HNF4G: variants seen among roughly 807,000 people sequenced by gnomAD.
HNF4G encodes the protein hepatocyte nuclear factor 4 gamma.
Under a neutral mutation model 50.9 loss-of-function variants are expected in HNF4G, and 21 were observed. The ratio of observed to expected loss-of-function variants is 0.41; its 90% CI spans 0.29 to 0.59. HNF4G has a LOEUF of 0.59. Ranked by LOEUF, HNF4G falls within the 20% of genes least tolerant of loss-of-function variation. The probability of loss-of-function intolerance (pLI) is 0.26; values close to 1 mark genes in which losing one functional copy is unlikely to be tolerated. For synonymous variants in HNF4G, 198 were observed against 185.6 expected, an observed-to-expected ratio of 1.07 and a Z score of -0.54; for missense variants, 527 against 559.4, an observed-to-expected ratio of 0.94 and a Z score of 0.58.
rs58658516 is a variant in HNF4G at position 75,453,434 on chromosome 8, T to C, written c.-143-36655T>C. The stretch of plus-strand genomic sequence containing the variant: ...GTTTGTAAAATGGAACGATCAGCAC[T>C]CTGTTAAATGGACCAATCAGCAGGA... On this transcript the variant is annotated intron_variant, in intron 1 of 10. Coordinates refer to the HNF4G transcript ENST00000354370. Among the ~76,000 whole-genome samples, 738 of 152,238 alleles carry C rather than the reference T, an allele frequency of 4.8e-3. 4 individuals carry two copies. The highest frequency in any genetic ancestry group is 0.017 in the African/African-American group (699 of 41,526).
intron 2 of HNF4G, among the ~76,000 whole-genome samples, chr8:75,494,586 C>A (rs969782710): frequency 6.6e-6 from 1 of 151,904 alleles, no homozygotes; most frequent in African/African-American, 2.4e-5. Flanking sequence ...GAATCATGTG[C>A]ATTTAGAAAC....
intron 1 of HNF4G, among the ~76,000 whole-genome samples, chr8:75,484,526 T>G (rs1812452826): frequency 1.3e-5 from 2 of 152,238 alleles, no homozygotes; most frequent in African/African-American, 4.8e-5. Context: ...TAAGTGTTTC[T>G]TTCTCAGGAA....
At chr8:75,459,156 G>A (rs779502278) in intron 1 of HNF4G, among the ~76,000 whole-genome samples, 27 of 152,052 alleles carry the variant, frequency 1.8e-4, no homozygotes, top group Non-Finnish European at 2.8e-4. Context: ...TTCCTATTCC[G>A]TAGTAGGAAG....
intron 1 of HNF4G, among the ~76,000 whole-genome samples, chr8:75,541,684 G>A (rs1054014621): frequency 1.3e-5 from 2 of 151,894 alleles, no homozygotes; most frequent in South Asian, 4.1e-4. Flanking sequence ...TTATAATGAA[G>A]TTTTATTACA....
At chr8:75,531,014 G>C (rs1304731938) in intron 2 of HNF4G, among the ~76,000 whole-genome samples, 1 of 152,008 alleles carries the variant, frequency 6.6e-6, no homozygotes, top group South Asian at 2.1e-4. Flanking sequence ...GGCTGGTCTC[G>C]AACTCCTGAC....
intron 2 of HNF4G, among the ~76,000 whole-genome samples, chr8:75,522,469 AT>A (rs1165358585): frequency 7.7e-4 from 117 of 152,290 alleles, no homozygotes; most frequent in Non-Finnish European, 1.2e-3. Flanking sequence ...TATGTTAAAT[AT>A]TTTGCCCAAG....
At chr8:75,467,229 T>C (rs1370233967) in intron 1 of HNF4G, among the ~76,000 whole-genome samples, 1 of 152,186 alleles carries the variant, frequency 6.6e-6, no homozygotes, top group Non-Finnish European at 1.5e-5. Flanking sequence ...ATTCAAGAAA[T>C]GTGTGAGTGC....
chr8:75,478,175 G>C (rs1360370387), intron 1 of HNF4G, among the ~76,000 whole-genome samples: 1 of 152,038 alleles, frequency 6.6e-6, no homozygotes, highest in African/African-American at 2.4e-5. Flanking sequence ...TAACCAGGGC[G>C]TGGTGGCGGG....
At chr8:75,482,697 T>C (rs1812409115) in intron 1 of HNF4G, among the ~76,000 whole-genome samples, 1 of 152,178 alleles carries the variant, frequency 6.6e-6, no homozygotes, top group African/African-American at 2.4e-5. Context: ...TTTTGGATAC[T>C]TTCCTGATCG....
At chr8:75,461,087 A>G (rs1585863424) in intron 1 of HNF4G, among the ~76,000 whole-genome samples, 1 of 152,190 alleles carries the variant, frequency 6.6e-6, no homozygotes, top group South Asian at 2.1e-4. Flanking sequence ...CAGGGACAAG[A>G]TGTAAGCCTG....
chr8:75,511,479 AAC>A lies in HNF4G; in HGVS notation c.-24+21275_-24+21276del, dbSNP rs138096536. Among the ~76,000 whole-genome samples the A allele has an allele frequency of 1.0e-3, 156 of 152,380 alleles. 1 individual carries two copies. The East Asian group carries it at 0.023, about 22-fold the overall frequency. On this transcript the variant is annotated intron_variant, in intron 2 of 10. Coordinates refer to the HNF4G transcript ENST00000354370. The stretch of plus-strand genomic sequence containing the variant: ...TAGAATCACTTCTTAAAATACAATT[AAC>A]ACAGTACTTACTGTGGATCAAAGTT...
At chr8:75,457,984 A>T (rs1158219859) in intron 1 of HNF4G, among the ~76,000 whole-genome samples, 2 of 151,958 alleles carry the variant, frequency 1.3e-5, no homozygotes, top group Non-Finnish European at 2.9e-5. Context: ...TATATATTTA[A>T]TTTTTTGTAG....
chr8:75,542,242 T>TTGCAGTGAGCTAGGACTGCACCAC (rs1390534447), intron 1 of HNF4G, among the ~76,000 whole-genome samples: 1 of 151,910 alleles, frequency 6.6e-6, no homozygotes, highest in Non-Finnish European at 1.5e-5. Flanking sequence ...GAGGTCCAGG[T>TTGCAGTGAGCTAGGACTGCACCAC]TGCAGTGAGC....
chr8:75,465,080 C>T (rs1811937897), intron 1 of HNF4G, among the ~76,000 whole-genome samples: 1 of 152,124 alleles, frequency 6.6e-6, no homozygotes, highest in Admixed American at 6.6e-5. Context: ...CTAACTGGAA[C>T]TCTTGTTTTT....
chr8:75,519,840 G>A (rs192236999), intron 2 of HNF4G, among the ~76,000 whole-genome samples: 130 of 33,016 alleles, frequency 3.9e-3, no homozygotes, highest in Admixed American at 7.9e-3. Context: ...GCATGTGAGC[G>A]TGTGTGTGTG....
chr8:75,461,246 C>A (rs1811832391), intron 1 of HNF4G, among the ~76,000 whole-genome samples: 3 of 152,110 alleles, frequency 2.0e-5, no homozygotes, highest in Admixed American at 1.3e-4. Flanking sequence ...GGGGTGCATT[C>A]CTCTGAAGAA....
At chr8:75,460,160 G>A (rs1402170444) in intron 1 of HNF4G, among the ~76,000 whole-genome samples, 1 of 152,024 alleles carries the variant, frequency 6.6e-6, no homozygotes, top group Non-Finnish European at 1.5e-5. Flanking sequence ...GTAACTAAGT[G>A]GTTTGAAAGA....
chr8:75,427,846 T>C (rs1263546419), intron 1 of HNF4G, among the ~76,000 whole-genome samples: 1 of 152,140 alleles, frequency 6.6e-6, no homozygotes, highest in Non-Finnish European at 1.5e-5. Flanking sequence ...AATATTTTAT[T>C]AATGCAAGTG....
At chr8:75,501,813 T>C (rs567943922) in intron 2 of HNF4G, among the ~76,000 whole-genome samples, 1 of 118,790 alleles carries the variant, frequency 8.4e-6, no homozygotes, top group South Asian at 2.4e-4. Flanking sequence ...ATATGCATTA[T>C]CTCACATAAT....
Sources: gnomAD v4.1 joint callset for allele counts (sites outside exome capture counted in the v4.1 genomes callset) on GRCh38, gnomAD v4.1.1 for gene constraint, MANE v1.5 for transcripts, NCBI Gene and HGNC (gene_info 2026-07-23, HGNC 2026-07-21) for gene names.